ROBO2: variants seen among roughly 807,000 people sequenced by gnomAD.
ROBO2 encodes the protein roundabout homolog 2.
In ROBO2, 53 loss-of-function variants were observed where a neutral mutation model predicts 160.8. That is an observed-to-expected ratio of 0.33 (90% CI 0.26 to 0.41). The LOEUF is 0.41. ROBO2 is among the 10% of genes least tolerant of loss of function. The pLI is 1.00. For missense variants in ROBO2, 1,577 were observed against 1,722.4 expected, an observed-to-expected ratio of 0.92 and a Z score of 1.49; for synonymous variants, 664 against 611.7, an observed-to-expected ratio of 1.09 and a Z score of -1.26.
intron 2 of ROBO2, among the ~76,000 whole-genome samples, chr3:76,825,011 T>A (rs1012888567): frequency 6.6e-6 from 1 of 152,192 alleles, no homozygotes; most frequent in African/African-American, 2.4e-5. Context: ...CTTCTCAACT[T>A]CTCAGGGAGT....
At chr3:77,465,710 T>C (rs2082697933) in intron 2 of ROBO2, among the ~76,000 whole-genome samples, 1 of 152,210 alleles carries the variant, frequency 6.6e-6, no homozygotes, top group South Asian at 2.1e-4. Context: ...AACACACATA[T>C]AATTAATTCT....
chr3:76,333,604 C>A (rs2073656488), intron 2 of ROBO2, among the ~76,000 whole-genome samples: 1 of 152,278 alleles, frequency 6.6e-6, no homozygotes, highest in Admixed American at 6.5e-5. Flanking sequence ...AGCATTCAAC[C>A]AGAATGGCAC....
intron 2 of ROBO2, among the ~76,000 whole-genome samples, chr3:77,194,126 C>T (rs2082116282): frequency 6.6e-6 from 1 of 152,162 alleles, no homozygotes; most frequent in Non-Finnish European, 1.5e-5. Context: ...TATTATTTCA[C>T]ATCCAACCCA....
chr3:76,158,687 A>G (rs2072505752), intron 2 of ROBO2, among the ~76,000 whole-genome samples: 1 of 152,122 alleles, frequency 6.6e-6, no homozygotes, highest in Non-Finnish European at 1.5e-5. Context: ...GCTTAAGAGA[A>G]GTAGCCCTGC....
chr3:77,049,022 T>G (rs961901778), intron 1 of ROBO2, among the ~76,000 whole-genome samples: 2 of 152,170 alleles, frequency 1.3e-5, no homozygotes, highest in Admixed American at 1.3e-4. Flanking sequence ...TATCTGAGAA[T>G]TTTTAAAGAA....
Position 76,844,157 on chromosome 3 carries a change from T to G in ROBO2, c.110-253857T>G, listed in dbSNP as rs142549627. ...TACATATTTGAATAAATAGCATATT[T>G]ATTTGGGGTTAAAATGCTTCATGCA... On this transcript the variant is annotated intron_variant, in intron 2 of 26. Coordinates refer to the ROBO2 transcript ENST00000487694. Among the ~76,000 whole-genome samples the G allele has an allele frequency of 4.1e-3, 626 of 152,168 alleles. 6 individuals carry two copies. The highest frequency in any genetic ancestry group is 0.014 in the African/African-American group (601 of 41,562).
Position 77,381,322 on chromosome 3 carries a change from C to G in ROBO2, c.389-96092C>G, listed in dbSNP as rs183724658. On this transcript the variant is annotated intron_variant, in intron 2 of 25. Coordinates refer to ENST00000461745, the Ensembl canonical transcript of ROBO2. ...AGAGGGAGACTCCATCTAAAACAAA[C>G]AAACAAACAAACAAAGACAGGATTC... Among the ~76,000 whole-genome samples the G allele has an allele frequency of 2.6e-4, 39 of 152,016 alleles. No homozygotes were observed. The East Asian group carries it at 5.1e-3, about 20-fold the overall frequency.
chr3:77,212,484 A>T (rs1017503586), intron 2 of ROBO2, among the ~76,000 whole-genome samples: 3 of 152,146 alleles, frequency 2.0e-5, no homozygotes, highest in Admixed American at 6.5e-5. Context: ...GGCTGAGACG[A>T]TGGGGTTTTC....
Position 76,355,073 on chromosome 3 carries a change from G to C in ROBO2, c.109+417471G>C, listed in dbSNP as rs535125695. ...GTGTGTGTGTGTGTATGTATGCATG[G>C]GGGTGTTTGTGTTTGCAAGTGATGC... On this transcript the variant is annotated intron_variant, in intron 2 of 26. Coordinates refer to the ROBO2 transcript ENST00000487694. Among the ~76,000 whole-genome samples, 4 of 151,104 alleles carry C rather than the reference G, an allele frequency of 2.6e-5. 1 individual carries two copies. The highest frequency in any genetic ancestry group is 2.1e-4 in the South Asian group (1 of 4,814).
At chr3:77,343,670 G>A (rs1249929795) in intron 2 of ROBO2, among the ~76,000 whole-genome samples, 1 of 152,238 alleles carries the variant, frequency 6.6e-6, no homozygotes, top group Non-Finnish European at 1.5e-5. Context: ...AATATAATTT[G>A]CTCTTGACAT....
intron 2 of ROBO2, among the ~76,000 whole-genome samples, chr3:77,016,304 CAG>C (rs1172663918): frequency 6.6e-6 from 1 of 152,100 alleles, no homozygotes; most frequent in Non-Finnish European, 1.5e-5. Context: ...GACTGAGTTT[CAG>C]AGTTTTGCAC....
At chr3:76,384,032 T>G (rs1029852270) in intron 2 of ROBO2, among the ~76,000 whole-genome samples, 1 of 152,054 alleles carries the variant, frequency 6.6e-6, no homozygotes, top group Non-Finnish European at 1.5e-5. Flanking sequence ...GCGTCCCTGA[T>G]AAGGCACTGG....
intron 2 of ROBO2, among the ~76,000 whole-genome samples, chr3:76,928,958 A>G (rs909112800): frequency 2.0e-5 from 3 of 152,112 alleles, no homozygotes; most frequent in Non-Finnish European, 4.4e-5. Flanking sequence ...GACATCTCCA[A>G]TAGAAAACAC....
chr3:76,023,542 T>A (rs1324336148), intron 2 of ROBO2, among the ~76,000 whole-genome samples: 1 of 151,634 alleles, frequency 6.6e-6, no homozygotes, highest in Non-Finnish European at 1.5e-5. Context: ...GCTAAAGAAC[T>A]GAGAACACAC....
chr3:75,937,519 C>T, exon 2 of ROBO2: 1 of 1,575,718 alleles, frequency 6.3e-7, no homozygotes, highest in Non-Finnish European at 8.6e-7. Context: ...GAACGTGTCA[C>T]TAGAAGGATG....
chr3:77,098,739 C>T (rs1279015857), intron 2 of ROBO2, among the ~76,000 whole-genome samples: 1 of 152,002 alleles, frequency 6.6e-6, no homozygotes, highest in Non-Finnish European at 1.5e-5. Context: ...GCCTGTAGTC[C>T]CAGCTACTCG....
intron 2 of ROBO2, among the ~76,000 whole-genome samples, chr3:77,466,873 C>A (rs1363679088): frequency 6.6e-6 from 1 of 152,152 alleles, no homozygotes; most frequent in Non-Finnish European, 1.5e-5. Flanking sequence ...TGACATCTGG[C>A]AGTTACTTGG....
In ROBO2 at chr3:76,311,090, A is replaced by G. The variant is rs1425930466; in HGVS notation, c.109+373488A>G. On this transcript the variant is annotated intron_variant, in intron 2 of 26. Coordinates refer to the ROBO2 transcript ENST00000487694. ...ATTTTATAGCTTCTGGAGTAGAAGC[A>G]GGGCTGACTGCGTACTGAGGAGAAG... 2.0e-5 allele frequency: 3 copies of G among 152,344 alleles called. No individual in the cohort carries two copies. The East Asian group carries it at 5.8e-4, about 29-fold the overall frequency. 9.4% of individuals were successfully genotyped at this position (152,344 alleles called of 1,614,324 possible).
intron 2 of ROBO2, among the ~76,000 whole-genome samples, chr3:76,454,347 A>T (rs1298292285): frequency 1.3e-5 from 2 of 152,186 alleles, no homozygotes; most frequent in African/African-American, 4.8e-5. Flanking sequence ...ACTTTGTCAA[A>T]TTAGAAAGAA....
Sources: allele counts gnomAD v4.1 joint callset (sites outside exome capture counted in the v4.1 genomes callset), GRCh38; gene constraint gnomAD v4.1.1; transcripts MANE v1.5; gene names NCBI Gene and HGNC (gene_info 2026-07-23, HGNC 2026-07-21).